The following XRCC4 variants were observed in gnomAD, a reference collection of about 807,000 sequenced individuals.
XRCC4 encodes DNA repair protein XRCC4.
XRCC4 carries 28 observed loss-of-function variants against 39.1 expected under a neutral mutation model. The observed-to-expected ratio is 0.72, with a 90% CI of 0.53 to 0.98. The LOEUF (loss-of-function observed/expected upper bound fraction) is 0.98. Ranked by LOEUF, XRCC4 falls within the 50% of genes least tolerant of loss-of-function variation. XRCC4 has a pLI of 0.00. For synonymous variants in XRCC4, 123 were observed against 126.4 expected, an observed-to-expected ratio of 0.97 and a Z score of 0.18; for missense variants, 350 against 376.4, an observed-to-expected ratio of 0.93 and a Z score of 0.58.
At chr5:83,198,682 G>A (rs1405470877) in intron 4 of XRCC4, among the ~76,000 whole-genome samples, 2 of 152,078 alleles carry the variant, frequency 1.3e-5, no homozygotes, top group African/African-American at 4.8e-5. Context: ...TGGGATGATG[G>A]TGGAGAATAA....
At chr5:83,104,828 G>C (rs1286882742) in intron 1 of XRCC4, 82 bp from the exon 2 acceptor site, 2 of 1,277,962 alleles carry the variant, frequency 1.6e-6, no homozygotes, top group Non-Finnish European at 2.2e-6. Flanking sequence ...CTTGGTGTTT[G>C]TGTAGCTGAG....
intron 4 of XRCC4, among the ~76,000 whole-genome samples, chr5:83,196,366 A>G (rs1283706731): frequency 6.6e-6 from 1 of 152,094 alleles, no homozygotes; most frequent in Non-Finnish European, 1.5e-5. Flanking sequence ...TTGGCTCCTA[A>G]TAGACTTATT....
At chr5:83,112,756 C>G (rs1035988995) in intron 3 of XRCC4, among the ~76,000 whole-genome samples, 1 of 143,630 alleles carries the variant, frequency 7.0e-6, no homozygotes, top group Non-Finnish European at 1.5e-5. Flanking sequence ...GGGAACTCCC[C>G]TTTATAAAAT....
intron 7 of XRCC4, among the ~76,000 whole-genome samples, chr5:83,306,653 TTAAGCAATACATAGCA>T (rs1755498407): frequency 6.6e-6 from 1 of 152,198 alleles, no homozygotes; most frequent in East Asian, 1.9e-4. Flanking sequence ...GCTTTTCAAA[TTAAGCAATACATAGCA>T]TTGATGAAGA....
At chr5:83,355,907 G>A (rs1311068512), downstream of XRCC4, among the ~76,000 whole-genome samples, 2 of 152,144 alleles carry the variant, frequency 1.3e-5, no homozygotes, top group Admixed American at 6.5e-5. Flanking sequence ...CAAAGTGCTA[G>A]GATTACAGGC....
At chr5:83,225,215 TGTCTGGTC>T (rs1752241054) in intron 6 of XRCC4, among the ~76,000 whole-genome samples, 1 of 152,142 alleles carries the variant, frequency 6.6e-6, no homozygotes. Context: ...TTATGTGCCT[TGTCTGGTC>T]AGTACCTGGA....
chr5:83,321,652 C>T (rs1756079414), intron 7 of XRCC4, among the ~76,000 whole-genome samples: 1 of 152,090 alleles, frequency 6.6e-6, no homozygotes, highest in Non-Finnish European at 1.5e-5. Context: ...CTTGATGTCT[C>T]ACTAAATGAA....
At chr5:83,280,364 T>C in intron 7 of XRCC4, 3 of 513,586 alleles carry the variant, frequency 5.8e-6, no homozygotes, top group East Asian at 3.5e-5. Flanking sequence ...ATTTCCTTCA[T>C]GTTTCTTGAA....
chr5:83,314,453 A>G (rs897992274), intron 7 of XRCC4, among the ~76,000 whole-genome samples: 1 of 152,204 alleles, frequency 6.6e-6, no homozygotes, highest in African/African-American at 2.4e-5. Flanking sequence ...GATATACATG[A>G]TAACAGCTTT....
chr5:83,206,704 A>T (rs911259728), intron 6 of XRCC4, among the ~76,000 whole-genome samples: 1 of 152,144 alleles, frequency 6.6e-6, no homozygotes, highest in African/African-American at 2.4e-5. Context: ...ATATGTTTGT[A>T]TACTGATGAG....
the XRCC4 span, among the ~76,000 whole-genome samples, chr5:83,373,590 T>C: frequency 6.6e-6 from 1 of 152,174 alleles, no homozygotes; most frequent in African/African-American, 2.4e-5. Context: ...CACTTTGAGT[T>C]CCATAATGAG....
intron 3 of XRCC4, among the ~76,000 whole-genome samples, chr5:83,154,603 G>C (rs904109270): frequency 3.3e-5 from 5 of 152,140 alleles, no homozygotes; most frequent in Non-Finnish European, 7.4e-5. Context: ...CTTTCCCTGA[G>C]TCTTTCTGGT....
At chr5:83,208,583 C>T (rs893852489) in intron 6 of XRCC4, among the ~76,000 whole-genome samples, 1 of 151,924 alleles carries the variant, frequency 6.6e-6, no homozygotes, top group Non-Finnish European at 1.5e-5. Flanking sequence ...TATTTTCCCA[C>T]TGCCATTAGG....
At chr5:83,082,959 C>T (rs372542917) in intron 1 of XRCC4, among the ~76,000 whole-genome samples, 2 of 152,114 alleles carry the variant, frequency 1.3e-5, no homozygotes, top group East Asian at 1.9e-4. Context: ...CTACTTCTAC[C>T]ACAGGGCCTT....
At chr5:83,200,339 A>C (rs1487877387) in intron 4 of XRCC4, among the ~76,000 whole-genome samples, 1 of 152,142 alleles carries the variant, frequency 6.6e-6, no homozygotes, top group African/African-American at 2.4e-5. Context: ...CAGTTTGATG[A>C]TCAGAAGTTT....
chr5:83,365,437 G>A, the XRCC4 span, among the ~76,000 whole-genome samples: 4 of 152,148 alleles, frequency 2.6e-5, no homozygotes, highest in Non-Finnish European at 4.4e-5. Flanking sequence ...AATGTTTTAC[G>A]ACTGCTTCAC....
intron 3 of XRCC4, among the ~76,000 whole-genome samples, chr5:83,169,730 TCC>T (rs1749639378): frequency 1.3e-5 from 2 of 152,146 alleles, no homozygotes. Flanking sequence ...TGGCTTGAGA[TCC>T]TTGTTAGTGT....
At chr5:83,228,874 G>A (rs149080146) in intron 6 of XRCC4, among the ~76,000 whole-genome samples, 3 of 151,688 alleles carry the variant, frequency 2.0e-5, no homozygotes, top group East Asian at 1.9e-4. Context: ...CTCCTTTTTC[G>A]ATTAAGAAGT....
In XRCC4 at chr5:83,301,281, G is replaced by A. The variant is rs181756595; in HGVS notation, c.893+42604G>A. Among the ~76,000 whole-genome samples the A allele has an allele frequency of 2.0e-4, 30 of 152,268 alleles. 1 individual carries two copies. In the South Asian group the frequency reaches 3.7e-3, roughly 19 times the overall value. On this transcript the variant is annotated intron_variant, in intron 7 of 7. Coordinates refer to ENST00000396027, the MANE Select transcript of XRCC4 (RefSeq NM_003401.5). ...TTTAATGATCACCATTCTTACTGGC[G>A]TGAGATGGTATCTCATTGTGGTTTT... is the stretch of plus-strand genomic sequence containing the variant.
Sources: allele counts gnomAD v4.1 joint callset (sites outside exome capture counted in the v4.1 genomes callset), GRCh38; gene constraint gnomAD v4.1.1; transcripts MANE v1.5; gene names NCBI Gene and HGNC (gene_info 2026-07-23, HGNC 2026-07-21).